Variants in TCF12 observed in about 807,000 individuals in gnomAD.
The protein encoded by TCF12 is DNA-binding protein HTF4.
Under a neutral mutation model 86.0 loss-of-function variants are expected in TCF12, and 45 were observed. That is an observed-to-expected ratio of 0.52 (90% CI 0.41 to 0.67). The LOEUF is 0.67. Among genes scored for constraint, TCF12 ranks in the 30% least tolerant of loss-of-function variants. The pLI, the probability that TCF12 is intolerant of heterozygous loss-of-function variation, is 0.00. For missense variants in TCF12, 881 were observed against 859.9 expected (o/e 1.02, Z -0.31); for synonymous variants, 330 against 299.6 (o/e 1.10, Z -1.05).
chr15:57,115,750 C>A (rs1283608577), intron 5 of TCF12, among the ~76,000 whole-genome samples: 1 of 152,190 alleles, frequency 6.6e-6, no homozygotes, highest in Middle Eastern at 3.4e-3. Context: ...CGAGAAAGGT[C>A]AGTCATTTTG....
chr15:57,275,614 C>T (rs1250091815), intron 19 of TCF12, among the ~76,000 whole-genome samples: 1 of 152,008 alleles, frequency 6.6e-6, no homozygotes. Context: ...ATTTTGGTGA[C>T]TTGATCACTT....
intron 8 of TCF12, among the ~76,000 whole-genome samples, chr15:57,226,760 A>G (rs778338903): frequency 1.3e-5 from 2 of 152,176 alleles, no homozygotes; most frequent in Admixed American, 6.5e-5. Context: ...TAATTTATAC[A>G]ATCTTAAACT....
intron 8 of TCF12, among the ~76,000 whole-genome samples, chr15:57,203,809 G>A (rs1003174933): frequency 1.3e-5 from 2 of 152,134 alleles, no homozygotes; most frequent in Admixed American, 6.5e-5. Flanking sequence ...GATCACTTGA[G>A]CCCAAGAGTT....
intron 5 of TCF12, among the ~76,000 whole-genome samples, chr15:57,118,879 T>C (rs1287933876): frequency 6.6e-6 from 1 of 152,196 alleles, no homozygotes; most frequent in Non-Finnish European, 1.5e-5. Context: ...CCTGAAGATA[T>C]TTTATTTTTT....
At chr15:57,263,379 T>A in intron 18 of TCF12, 105 bp downstream of exon 18, 1 of 1,214,490 alleles carries the variant, frequency 8.2e-7, no homozygotes, top group Non-Finnish European at 1.2e-6. Flanking sequence ...ATGTTCTAGA[T>A]ATTGTGTTAG....
rs577220477 is a variant in TCF12 at position 57,276,476 on chromosome 15, G to A, written c.1978+3214G>A. On this transcript the variant is annotated intron_variant, in intron 19 of 20. Transcript: ENST00000333725. ...AAAGCTGCATGTAGGATAGAAAGTC[G>A]ATGGAATAGTGGTACTTATTTGTTT... Among the ~76,000 whole-genome samples the A allele has an allele frequency of 1.1e-4, 16 of 152,332 alleles. No homozygotes were observed. The South Asian group carries it at 2.9e-3, about 28-fold the overall frequency.
chr15:57,040,500 T>C (rs1409577808), intron 3 of TCF12, among the ~76,000 whole-genome samples: 1 of 152,196 alleles, frequency 6.6e-6, no homozygotes, highest in Non-Finnish European at 1.5e-5. Flanking sequence ...AGTTTGACTT[T>C]CTGAAAAGTT....
intron 3 of TCF12, among the ~76,000 whole-genome samples, chr15:57,035,530 G>A: frequency 6.6e-6 from 1 of 152,164 alleles, no homozygotes. Flanking sequence ...GCCTCCCAAA[G>A]TATTGGGATT....
chr15:56,981,597 T>C (rs1479889942), intron 3 of TCF12, among the ~76,000 whole-genome samples: 1 of 152,146 alleles, frequency 6.6e-6, no homozygotes, highest in Non-Finnish European at 1.5e-5. Context: ...TATATACAAT[T>C]GGTCTTTGAA....
At chr15:57,152,743 T>G (rs2053853010) in intron 5 of TCF12, among the ~76,000 whole-genome samples, 1 of 152,056 alleles carries the variant, frequency 6.6e-6, no homozygotes, top group South Asian at 2.1e-4. Flanking sequence ...ATGAGAGGGA[T>G]AAATAATAAT....
At chr15:57,008,319 A>G (rs2064599528) in intron 3 of TCF12, among the ~76,000 whole-genome samples, 1 of 151,792 alleles carries the variant, frequency 6.6e-6, no homozygotes, top group African/African-American at 2.4e-5. Flanking sequence ...TTTTTAAAAA[A>G]TTGTTATTTG....
chr15:57,091,996 TC>T, intron 5 of TCF12, 105 bp downstream of exon 5: 1 of 886,806 alleles, frequency 1.1e-6, no homozygotes, highest in Non-Finnish European at 1.7e-6. Flanking sequence ...AGAAGAAAGT[TC>T]TTGAGTTTCT....
At chr15:57,064,991 A>T (rs1261832342) in intron 4 of TCF12, among the ~76,000 whole-genome samples, 1 of 152,186 alleles carries the variant, frequency 6.6e-6, no homozygotes, top group African/African-American at 2.4e-5. Context: ...GCATAGTCTC[A>T]GTATGGTTTA....
Position 57,172,272 on chromosome 15 carries a change from T to C in TCF12, c.390+5806T>C, listed in dbSNP as rs749544766. Among the ~76,000 whole-genome samples, 15 of 152,314 alleles carry C rather than the reference T, an allele frequency of 9.8e-5. 1 individual carries two copies. The highest frequency in any genetic ancestry group is 3.6e-4 in the African/African-American group (15 of 41,572). On this transcript the variant is annotated intron_variant, in intron 6 of 20. Coordinates refer to ENST00000333725, the MANE Select transcript of TCF12 (RefSeq NM_207037.2). ...AAATTGATAGAATTAAAGAGAGAGA[T>C]AAACAAATTGACAATCATGCTTGGA...
intron 3 of TCF12, among the ~76,000 whole-genome samples, chr15:56,932,773 C>T (rs950362494): frequency 1.3e-5 from 2 of 152,060 alleles, no homozygotes; most frequent in Non-Finnish European, 2.9e-5. Context: ...CTGTGTTGGC[C>T]AGGCTGTTCT....
At chr15:56,941,793 A>G (rs897056463) in intron 3 of TCF12, among the ~76,000 whole-genome samples, 7 of 151,810 alleles carry the variant, frequency 4.6e-5, no homozygotes, top group Non-Finnish European at 8.8e-5. Context: ...AGGTTAGGGC[A>G]TTTTGTGAGG....
chr15:57,219,720 CTTTTTTTTTT>C (rs11395092), intron 8 of TCF12: 19 of 295,888 alleles, frequency 6.4e-5, no homozygotes, highest in Non-Finnish European at 6.4e-5. Context: ...TTGTAGATTT[CTTTTTTTTTT>C]TTTTTTTTGC....
At chr15:57,249,421 A>AG (rs5812877) in intron 13 of TCF12, among the ~76,000 whole-genome samples, 1 of 152,054 alleles carries the variant, frequency 6.6e-6, no homozygotes, top group Non-Finnish European at 1.5e-5. Flanking sequence ...AAGTAAAAAA[A>AG]AAAAAATTAA....
chr15:57,231,452 C>T (rs909496216), intron 9 of TCF12, among the ~76,000 whole-genome samples, 195 bp downstream of exon 9: 1 of 152,064 alleles, frequency 6.6e-6, no homozygotes, highest in African/African-American at 2.4e-5. Context: ...ATCTAGCAAA[C>T]CATTGGAGTG....
Sources: allele counts gnomAD v4.1 joint callset (sites outside exome capture counted in the v4.1 genomes callset), GRCh38; gene constraint gnomAD v4.1.1; transcripts MANE v1.5; gene names NCBI Gene and HGNC (gene_info 2026-07-23, HGNC 2026-07-21).